The following EML4 variants were observed in gnomAD, a reference collection of about 807,000 sequenced individuals.
EML4 encodes EMAP like 4.
A neutral mutation model predicts 129.0 loss-of-function variants in EML4; 72 were observed. The observed-to-expected ratio is 0.56, with a 90% CI of 0.46 to 0.68. The LOEUF is 0.68. Among genes scored for constraint, EML4 ranks in the 30% least tolerant of loss-of-function variants. The pLI is 0.00. For synonymous variants in EML4, 532 were observed against 405.0 expected, an observed-to-expected ratio of 1.31 and a Z score of -3.77; for missense variants, 1,363 against 1,190.6, an observed-to-expected ratio of 1.14 and a Z score of -2.13.
chr2:42,319,020 C>CT (rs200192702), intron 19 of EML4, among the ~76,000 whole-genome samples: 2 of 151,900 alleles, frequency 1.3e-5, no homozygotes, highest in African/African-American at 2.4e-5. Flanking sequence ...TAATCTCAAC[C>CT]TTTTTTAAAA....
At position 42,295,314 on chromosome 2, in the gene EML4, ATTGT is replaced by A. The variant is rs1021049951; in HGVS notation, c.1353+58_1353+61del. 2.5e-6 allele frequency: 4 copies of A among 1,593,858 alleles called. No homozygotes were observed. In the African/African-American group the frequency reaches 5.4e-5, roughly 22 times the overall value. On this transcript the variant is annotated intron_variant, in intron 12 of 22. Transcript: ENST00000318522. ...GGTGTATAAGACTTTAATTTTTTTAATTGTTTAATAAGCATCAAGTTGTCATGGC... is the reference window on the plus strand; with the variant it reads ...GGTGTATAAGACTTTAATTTTTTTAATTAATAAGCATCAAGTTGTCATGGC...
chr2:42,279,598 C>CA (rs1266635495), intron 6 of EML4, among the ~76,000 whole-genome samples: 1 of 152,022 alleles, frequency 6.6e-6, no homozygotes, highest in African/African-American at 2.4e-5. Flanking sequence ...GCTGGGACTA[C>CA]AGGTGCCCGC....
At chr2:42,307,324 T>C (rs1668664637) in intron 17 of EML4, among the ~76,000 whole-genome samples, 1 of 152,264 alleles carries the variant, frequency 6.6e-6, no homozygotes, top group African/African-American at 2.4e-5. Context: ...TTGGTTTCTC[T>C]TGGAGTTGTA....
chr2:42,270,279 CTAG>C (rs1279223857), intron 6 of EML4, among the ~76,000 whole-genome samples: 1 of 152,126 alleles, frequency 6.6e-6, no homozygotes, highest in Admixed American at 6.5e-5. Context: ...AACTTAAAGG[CTAG>C]GTGGGGTGGC....
At chr2:42,308,805 T>C (rs1668764447) in intron 17 of EML4, among the ~76,000 whole-genome samples, 1 of 152,092 alleles carries the variant, frequency 6.6e-6, no homozygotes, top group Non-Finnish European at 1.5e-5. Context: ...AGGTTGTCTG[T>C]TCTGGGCATT....
At chr2:42,282,559 A>T (rs961422016) in intron 7 of EML4, among the ~76,000 whole-genome samples, 3 of 151,966 alleles carry the variant, frequency 2.0e-5, no homozygotes, top group Admixed American at 6.6e-5. Context: ...ATGCCTGGCT[A>T]ATTTTTTTTA....
At chr2:42,316,944 A>G (rs1381661511) in intron 18 of EML4, among the ~76,000 whole-genome samples, 4 of 152,210 alleles carry the variant, frequency 2.6e-5, no homozygotes, top group South Asian at 2.1e-4. Context: ...AACCACTGCA[A>G]ATATAGCTGT....
intron 3 of EML4, among the ~76,000 whole-genome samples, chr2:42,258,610 G>A (rs1169873643): frequency 1.3e-5 from 2 of 152,014 alleles, no homozygotes; most frequent in Admixed American, 1.3e-4. Flanking sequence ...ATGTTGGTGA[G>A]GCTGGTCTCA....
At chr2:42,242,719 TTTCTC>T (rs149222934) in intron 1 of EML4, among the ~76,000 whole-genome samples, 3,424 of 151,778 alleles carry the variant, frequency 0.023, 114 homozygotes, top group African/African-American at 0.078. Context: ...TTCCTTTTCT[TTTCTC>T]TTCTCTTCTC....
At chr2:42,196,315 AATG>A (rs1224608051) in intron 1 of EML4, among the ~76,000 whole-genome samples, 6 of 152,262 alleles carry the variant, frequency 3.9e-5, no homozygotes, top group African/African-American at 1.4e-4. Context: ...ATATGTGCTT[AATG>A]ATGATCACCA....
rs185761377 is a variant in EML4, at chr2:42,237,942, A to C, written c.26-7563A>C. Among the ~76,000 whole-genome samples, 175 of 152,312 alleles carry C rather than the reference A, an allele frequency of 1.1e-3. 1 individual carries two copies. The highest frequency in any genetic ancestry group is 1.3e-4 in the Non-Finnish European group (9 of 68,028). On this transcript the variant is annotated intron_variant, in intron 1 of 22. Transcript: ENST00000318522. ...AAGTGATTACTTATTGGTAGCATAT[A>C]AGTTCAGAGTCAGGAATGATGGTTA...
chr2:42,185,946 A>G (rs377271623), intron 1 of EML4, among the ~76,000 whole-genome samples: 5 of 152,200 alleles, frequency 3.3e-5, no homozygotes, highest in Admixed American at 1.3e-4. Context: ...GGAAAAATCT[A>G]CAAGACTCTG....
At position 42,219,530 on chromosome 2, in the gene EML4, A is replaced by T. The variant is rs190166510; in HGVS notation, c.26-25975A>T. Among the ~76,000 whole-genome samples, 91 of 152,362 alleles carry T rather than the reference A, an allele frequency of 6.0e-4. No individual in the cohort carries two copies. The Middle Eastern group carries it at 0.014, about 23-fold the overall frequency. ...TTTTTCTTTTAGATTTTCATAGATT[A>T]GAAAATGACATTTTGCATTTAACAA... On this transcript the variant is annotated intron_variant, in intron 1 of 22. Coordinates refer to ENST00000318522, the MANE Select transcript of EML4 (RefSeq NM_019063.5).
chr2:42,296,742 A>G (rs1216784481), intron 13 of EML4, among the ~76,000 whole-genome samples: 1 of 152,194 alleles, frequency 6.6e-6, no homozygotes, highest in Admixed American at 6.5e-5. Context: ...GTATTGATGA[A>G]AGCACTGTTT....
chr2:42,279,568 C>G (rs1297709003), intron 6 of EML4, among the ~76,000 whole-genome samples: 1 of 152,090 alleles, frequency 6.6e-6, no homozygotes, highest in Admixed American at 6.5e-5. Flanking sequence ...CGCCATTCTC[C>G]TGCCTCAGCC....
chr2:42,222,068 C>G (rs1210576341), intron 1 of EML4, among the ~76,000 whole-genome samples: 2 of 152,108 alleles, frequency 1.3e-5, no homozygotes, highest in South Asian at 2.1e-4. Context: ...TCTTCTCTCT[C>G]TGTAGCCATG....
intron 1 of EML4, among the ~76,000 whole-genome samples, chr2:42,219,477 T>A (rs1196512925): frequency 6.6e-6 from 1 of 152,236 alleles, no homozygotes; most frequent in African/African-American, 2.4e-5. Flanking sequence ...TCTGTAAATC[T>A]TAAGCTTGCT....
intron 1 of EML4, among the ~76,000 whole-genome samples, chr2:42,226,428 G>C (rs903176585): frequency 8.5e-6 from 1 of 117,834 alleles, no homozygotes; most frequent in Non-Finnish European, 2.0e-5. Context: ...GGGAGGCCGA[G>C]GCGGGCGGAT....
chr2:42,170,909 C>CA (rs1670234427), intron 1 of EML4, among the ~76,000 whole-genome samples: 1 of 152,184 alleles, frequency 6.6e-6, no homozygotes, highest in African/African-American at 2.4e-5. Flanking sequence ...AAAAGTAAGT[C>CA]AAAGAGCAAT....
Sources: gnomAD v4.1 joint callset for allele counts (sites outside exome capture counted in the v4.1 genomes callset) on GRCh38, gnomAD v4.1.1 for gene constraint, MANE v1.5 for transcripts, NCBI Gene and HGNC (gene_info 2026-07-23, HGNC 2026-07-21) for gene names.